Variants in LIPA observed in about 807,000 individuals in gnomAD.
LIPA encodes lysosomal acid lipase/cholesteryl ester hydrolase.
Under a neutral mutation model 40.6 loss-of-function variants are expected in LIPA, and 26 were observed. That is an observed-to-expected ratio of 0.64 (90% CI 0.47 to 0.89). The LOEUF (loss-of-function observed/expected upper bound fraction) is 0.89. Ranked by LOEUF, LIPA falls within the 40% of genes least tolerant of loss-of-function variation. LIPA has a pLI of 0.00. For missense variants in LIPA, 455 were observed against 479.6 expected (o/e 0.95, Z 0.48); for synonymous variants, 188 against 168.4 (o/e 1.12, Z -0.90).
chr10:89,333,512 G>T lies in LIPA; in HGVS notation c.-2+9099C>A, dbSNP rs139371071. 5.9e-3 allele frequency among the ~76,000 whole-genome samples: 899 copies of T among 152,194 alleles called. 3 individuals carry two copies. The highest frequency in any genetic ancestry group is 0.027 in the Middle Eastern group (8 of 294). ...AGGAGGAAACCCCAAGAGGCAGGAGGGGGGAGGGGTGGGAAGAATGTTGAA... is the reference window on the plus strand; with the variant it reads ...AGGAGGAAACCCCAAGAGGCAGGAGTGGGGAGGGGTGGGAAGAATGTTGAA... On this transcript the variant is annotated intron_variant, in intron 1 of 5. Transcript: ENST00000282673.
intron 1 of LIPA, among the ~76,000 whole-genome samples, chr10:89,275,337 T>C (rs1843284309): frequency 1.3e-5 from 2 of 152,298 alleles, no homozygotes; most frequent in Middle Eastern, 3.4e-3. Context: ...GCCAGGTGTG[T>C]AGTTAGCTCC....
At chr10:89,390,665 G>T (rs925202052) in intron 2 of LIPA, among the ~76,000 whole-genome samples, 4 of 149,972 alleles carry the variant, frequency 2.7e-5, no homozygotes, top group Non-Finnish European at 1.5e-5. Context: ...GTTCTATCCT[G>T]TGTCCCTCAT....
intron 2 of LIPA, among the ~76,000 whole-genome samples, chr10:89,350,839 A>T (rs1843954736): frequency 6.6e-6 from 1 of 152,178 alleles, no homozygotes; most frequent in Admixed American, 6.5e-5. Context: ...GAGGAGAGAT[A>T]AGGCTTACTA....
At chr10:89,239,852 C>T (rs1022028196) in intron 3 of LIPA, among the ~76,000 whole-genome samples, 1 of 152,168 alleles carries the variant, frequency 6.6e-6, no homozygotes, top group Non-Finnish European at 1.5e-5. Flanking sequence ...AATTAGTATA[C>T]GATGCAGCTG....
chr10:89,242,062 A>G (rs1376711239), intron 3 of LIPA, among the ~76,000 whole-genome samples: 1 of 151,378 alleles, frequency 6.6e-6, no homozygotes, highest in Non-Finnish European at 1.5e-5. Context: ...AAGTGTGTTT[A>G]AAAAAAAACA....
At chr10:89,292,568 C>T (rs1394345095) in intron 1 of LIPA, 1 of 152,218 alleles carries the variant, frequency 6.6e-6, no homozygotes, top group Non-Finnish European at 1.5e-5. Context: ...CCTTATTGGG[C>T]ATTTACCATG....
chr10:89,287,746 G>A (rs1303259420), intron 1 of LIPA, among the ~76,000 whole-genome samples: 1 of 152,150 alleles, frequency 6.6e-6, no homozygotes, highest in African/African-American at 2.4e-5. Flanking sequence ...GTTACAGCAT[G>A]GCCTTTTAAA....
chr10:89,266,816 G>A (rs540154622), intron 1 of LIPA, among the ~76,000 whole-genome samples: 92 of 152,352 alleles, frequency 6.0e-4, no homozygotes, highest in African/African-American at 2.1e-3. Context: ...GTCTGTGTTT[G>A]CCAGAAGCTC....
rs115595484 is a variant in LIPA at position 89,412,847 on chromosome 10, G to A, written c.5C>T (p.Ala2Val). 3,452 of 361,882 alleles carry A rather than the reference G, an allele frequency of 9.5e-3. 109 individuals are homozygous for A. Among genetic ancestry groups the A allele is most frequent in the African/African-American group, 0.067 (3,072 of 45,894 alleles). 22.4% of individuals were successfully genotyped at this position (361,882 alleles called of 1,614,324 possible). A position where few individuals can be genotyped will look rare whatever the true frequency, so the allele number is the denominator to read the frequency against. The change falls in exon 2 of 9, where the codon GCG becomes GTG. Residue 2 changes from alanine to valine, a missense_variant. Coordinates refer to the LIPA transcript ENST00000371837. ...ATCGAAAGGAACAAACTCCAGACAC[G>A]CCATCTTTAACAACTGTAGCACTCA...
upstream of LIPA, among the ~76,000 whole-genome samples, chr10:89,253,533 A>C (rs1239947294): frequency 2.6e-5 from 4 of 152,152 alleles, no homozygotes; most frequent in African/African-American, 9.7e-5. Flanking sequence ...CAGGAGCTAT[A>C]ATTCAAGATG....
chr10:89,352,395 G>A lies in LIPA; in HGVS notation c.61+60396C>T, dbSNP rs563384817. Among the ~76,000 whole-genome samples, 3 of 152,242 alleles carry A rather than the reference G, an allele frequency of 2.0e-5. No homozygotes were observed. The South Asian group carries it at 6.2e-4, about 32-fold the overall frequency. On this transcript the variant is annotated intron_variant, in intron 2 of 8. Coordinates refer to the LIPA transcript ENST00000371837. ...ACCATTTTTTGTACATATGATTCAT[G>A]GAAAGGCACGAGGCTCAATTGCACA... is the stretch of plus-strand genomic sequence containing the variant.
chr10:89,249,760 G>T (rs1168745481), intron 1 of LIPA, among the ~76,000 whole-genome samples: 2 of 152,128 alleles, frequency 1.3e-5, no homozygotes, highest in Admixed American at 6.5e-5. Flanking sequence ...ATCACAAAGG[G>T]GTATGCACAA....
chr10:89,228,299 T>A lies in LIPA; in HGVS notation c.329A>T (p.Asp110Val). 1 of 1,614,200 alleles carries A rather than the reference T, an allele frequency of 6.2e-7. No individual in the cohort carries two copies. The highest frequency in any genetic ancestry group is 1.3e-5 in the African/African-American group (1 of 75,034). The part of the protein sequence containing the change: ...ANSSLGFILA[D>V]AGFDVWMGNS... The stretch of plus-strand genomic sequence containing the variant: ...GCCCATCCACACGTCAAAACCAGCA[T>A]CAGCAAGAATGAAGCCCAGGCTGCT... The change falls in exon 4 of 10, where the codon GAT becomes GTT. Residue 110 changes from aspartate (D) to valine (V), a missense_variant. Physicochemically the swap from Asp to Val is radical, Grantham distance 152. Transcript: ENST00000336233.
chr10:89,288,011 C>G (rs191808500), intron 1 of LIPA, among the ~76,000 whole-genome samples: 1 of 152,170 alleles, frequency 6.6e-6, no homozygotes, highest in African/African-American at 2.4e-5. Flanking sequence ...TTTTCACTTT[C>G]ACTTGGACTG....
At chr10:89,332,000 A>G (rs565580598) in intron 1 of LIPA, among the ~76,000 whole-genome samples, 1 of 152,282 alleles carries the variant, frequency 6.6e-6, no homozygotes, top group Admixed American at 6.5e-5. Flanking sequence ...TGGGAGGCCA[A>G]GGCGGGCAGA....
intron 1 of LIPA, among the ~76,000 whole-genome samples, chr10:89,261,871 C>G (rs1053487841): frequency 6.6e-6 from 1 of 152,218 alleles, no homozygotes; most frequent in Non-Finnish European, 1.5e-5. Context: ...GCTCCCCTCC[C>G]TATCCCTGAA....
intron 7 of LIPA, among the ~76,000 whole-genome samples, chr10:89,223,315 C>T (rs947301098): frequency 2.0e-5 from 3 of 151,694 alleles, no homozygotes; most frequent in Non-Finnish European, 4.4e-5. Flanking sequence ...AGCCCTTGTC[C>T]CTCTCCCTCC....
intron 2 of LIPA, among the ~76,000 whole-genome samples, chr10:89,388,068 T>G (rs1844222189): frequency 1.3e-5 from 2 of 152,192 alleles, no homozygotes; most frequent in Non-Finnish European, 2.9e-5. Context: ...CTCTACATTT[T>G]TAATAGGATA....
At chr10:89,373,079 A>G (rs1380394066) in intron 2 of LIPA, among the ~76,000 whole-genome samples, 1 of 152,172 alleles carries the variant, frequency 6.6e-6, no homozygotes, top group Non-Finnish European at 1.5e-5. Context: ...CACGCCTGTA[A>G]TCCCAGCACT....
Sources: gnomAD v4.1 joint callset for allele counts (sites outside exome capture counted in the v4.1 genomes callset) on GRCh38, gnomAD v4.1.1 for gene constraint, MANE v1.5 for transcripts, NCBI Gene and HGNC (gene_info 2026-07-23, HGNC 2026-07-21) for gene names.